Variants in YPEL5 observed in about 807,000 individuals in gnomAD.
YPEL5 encodes protein yippee-like 5.
Under a neutral mutation model 10.5 loss-of-function variants are expected in YPEL5, and 1 was observed. That is an observed-to-expected ratio of 0.10 (90% CI 0.03 to 0.45). The LOEUF is 0.45. Among genes scored for constraint, YPEL5 ranks in the 20% least tolerant of loss-of-function variants. The pLI, the probability that YPEL5 is intolerant of heterozygous loss-of-function variation, is 0.97. For missense variants in YPEL5, 68 were observed against 159.3 expected (o/e 0.43, Z 3.09); for synonymous variants, 61 against 56.6 (o/e 1.08, Z -0.35).
rs186638955 is a variant in YPEL5, at chr2:30,160,469, G to A, written c.*1626G>A. ...GCTTTTGATTATATGCAGATTCCTA[G>A]TAGCATGCCTTACCTACAGCACTAT... On this transcript the variant is annotated 3_prime_UTR_variant, in exon 3 of 3. Coordinates refer to ENST00000261353, the MANE Select transcript of YPEL5 (RefSeq NM_016061.3). 3 of 152,292 alleles carry A rather than the reference G, an allele frequency of 2.0e-5. No individual in the cohort carries two copies. The highest frequency in any genetic ancestry group is 2.0e-4 in the Admixed American group (3 of 15,302). The allele number at this position is 152,292 out of a possible 1,614,324, so 9.4% of individuals were successfully genotyped here.
intron 1 of YPEL5, among the ~76,000 whole-genome samples, chr2:30,153,118 G>C (rs1385205537): frequency 6.6e-6 from 1 of 152,090 alleles, no homozygotes; most frequent in East Asian, 1.9e-4. Context: ...AGCCAGGATG[G>C]TTTCGATCTC....
chr2:30,150,883 AAGG>A (rs1003357310), intron 1 of YPEL5, among the ~76,000 whole-genome samples: 6 of 152,238 alleles, frequency 3.9e-5, no homozygotes, highest in Non-Finnish European at 7.3e-5. Flanking sequence ...TGTAAAGTGG[AAGG>A]AGTAAAGTGT....
rs1676210443 is a variant in YPEL5, at chr2:30,159,947, T to C, written c.*1104T>C. 6.6e-6 allele frequency: 1 copy of C among 152,630 alleles called. No individual in the cohort carries two copies. Among genetic ancestry groups the C allele is most frequent in the Non-Finnish European group, 1.5e-5 (1 of 68,030 alleles). The allele number at this position is 152,630 out of a possible 1,614,324, so 9.5% of individuals were successfully genotyped here. Reference sequence around the variant, plus strand: ...CTTATTTAGCATTTTTTTCAGCTCTTCTCTCAGAAGTTCAGCTGTTGAAAC... The same window carrying C: ...CTTATTTAGCATTTTTTTCAGCTCTCCTCTCAGAAGTTCAGCTGTTGAAAC... On this transcript the variant is annotated 3_prime_UTR_variant, in exon 3 of 3. Coordinates refer to ENST00000261353, the MANE Select transcript of YPEL5 (RefSeq NM_016061.3).
chr2:30,157,685 T>C (rs1056366163), intron 2 of YPEL5, among the ~76,000 whole-genome samples: 5 of 152,214 alleles, frequency 3.3e-5, no homozygotes, highest in African/African-American at 1.2e-4. Context: ...TCCAAGTATT[T>C]TAGGCTAAGG....
At chr2:30,147,412 TCCTCCGAGGCCCG>T (rs1181685687) in intron 1 of YPEL5, 1 of 146,524 alleles carries the variant, frequency 6.8e-6, no homozygotes, top group East Asian at 2.1e-4. Context: ...CCCCGTCGCG[TCCTCCGAGGCCCG>T]CCGCCGAGGC....
At position 30,158,877 on chromosome 2, in the gene YPEL5, T is replaced by A. The variant is rs771624080; in HGVS notation, c.*34T>A. The A allele has an allele frequency of 1.3e-5, 21 of 1,605,580 alleles. No homozygotes were observed. The South Asian group carries it at 2.3e-4, about 18-fold the overall frequency. ...AGAGAAATCCATCTTTTCCCAGGTC[T>A]CCTTCACTGAAAACAAAAATCTACT... On this transcript the variant is annotated 3_prime_UTR_variant, in exon 3 of 3. Transcript: ENST00000261353.
At chr2:30,147,259 C>G (rs901292521) in intron 1 of YPEL5, among the ~76,000 whole-genome samples, 197 bp downstream of exon 1, 1 of 151,834 alleles carries the variant, frequency 6.6e-6, no homozygotes, top group Admixed American at 6.6e-5. Flanking sequence ...GCGCTGGGAC[C>G]GCGGGCGGAC....
chr2:30,157,694 G>A lies in YPEL5; in HGVS notation c.141+902G>A, dbSNP rs140279391. The stretch of plus-strand genomic sequence containing the variant: ...TGAATTTCCAAGTATTTTAGGCTAA[G>A]GAACATAGCTAGTCTAGGGTACTGT... On this transcript the variant is annotated intron_variant, in intron 2 of 2. Coordinates refer to ENST00000261353, the MANE Select transcript of YPEL5 (RefSeq NM_016061.3). Among the ~76,000 whole-genome samples, 325 of 152,332 alleles carry A rather than the reference G, an allele frequency of 2.1e-3. 1 individual carries two copies. Among genetic ancestry groups the A allele is most frequent in the African/African-American group, 7.5e-3 (311 of 41,574 alleles).
Position 30,153,169 on chromosome 2 carries a change from C to T in YPEL5, c.-24-3459C>T, listed in dbSNP as rs542323851. Among the ~76,000 whole-genome samples, 77 of 152,158 alleles carry T rather than the reference C, an allele frequency of 5.1e-4. No individual in the cohort carries two copies. In the South Asian group the frequency reaches 6.6e-3, roughly 13 times the overall value. On this transcript the variant is annotated intron_variant, in intron 1 of 2. Coordinates refer to ENST00000261353, the MANE Select transcript of YPEL5 (RefSeq NM_016061.3). ...GCCCACCTTGGCCTCCCCAAAGGGC[C>T]GGGATTACAGGTGTGAGCCACCGCG...
chr2:30,156,814 T>A (rs1311457172), intron 2 of YPEL5, 22 bp downstream of exon 2: 20 of 1,613,812 alleles, frequency 1.2e-5, no homozygotes, highest in Non-Finnish European at 1.7e-5. Flanking sequence ...AAAGTTTGAT[T>A]CCTAAGTGGG....
At chr2:30,149,683 T>G (rs1470983382) in intron 1 of YPEL5, among the ~76,000 whole-genome samples, 2 of 152,242 alleles carry the variant, frequency 1.3e-5, no homozygotes, top group Non-Finnish European at 2.9e-5. Flanking sequence ...AGCAGAGTCA[T>G]TGCGAAACAA....
At chr2:30,154,911 G>A (rs1440242043) in intron 1 of YPEL5, among the ~76,000 whole-genome samples, 1 of 152,054 alleles carries the variant, frequency 6.6e-6, no homozygotes, top group Non-Finnish European at 1.5e-5. Flanking sequence ...ACTAATTTTT[G>A]TATTTTTAAT....
intron 1 of YPEL5, among the ~76,000 whole-genome samples, chr2:30,155,268 C>A (rs189599374): frequency 1.5e-3 from 223 of 152,066 alleles, no homozygotes; most frequent in African/African-American, 5.0e-3. Flanking sequence ...TTTTTTATTC[C>A]CTATTAAACT....
At chr2:30,151,896 C>T (rs1167878565) in intron 1 of YPEL5, among the ~76,000 whole-genome samples, 1 of 152,118 alleles carries the variant, frequency 6.6e-6, no homozygotes, top group Admixed American at 6.6e-5. Flanking sequence ...TACTCTAAGT[C>T]CAAGCAAGGT....
In YPEL5 at chr2:30,158,940, T is replaced by A; in HGVS notation, c.*97T>A. 1 of 1,122,618 alleles carries A rather than the reference T, an allele frequency of 8.9e-7. No individual in the cohort carries two copies. The highest frequency in any genetic ancestry group is 1.3e-6 in the Non-Finnish European group (1 of 780,506). The allele number at this position is 1,122,618 out of a possible 1,614,324, so 69.5% of individuals were successfully genotyped here. A position where few individuals can be genotyped will look rare whatever the true frequency, so the allele number is the denominator to read the frequency against. ...CACCTTAGCATCAGAGTCGGATTAA[T>A]GAACTGCGGAACAAGAGGTTGTGAG... On this transcript the variant is annotated 3_prime_UTR_variant, in exon 3 of 3. Transcript: ENST00000261353.
intron 1 of YPEL5, among the ~76,000 whole-genome samples, chr2:30,152,890 G>GTTT (rs373848986): frequency 4.1e-5 from 5 of 122,726 alleles, no homozygotes; most frequent in Non-Finnish European, 8.6e-5. Context: ...ACTGTCCTTT[G>GTTT]TTTTTTTTTT....
At position 30,159,092 on chromosome 2, in the gene YPEL5, G is replaced by A. The variant is rs1676169260; in HGVS notation, c.*249G>A. The A allele has an allele frequency of 4.2e-6, 2 of 481,202 alleles. No homozygotes were observed. The highest frequency in any genetic ancestry group is 1.9e-5 in the African/African-American group (1 of 51,466). 29.8% of individuals were successfully genotyped at this position (481,202 alleles called of 1,614,324 possible). ...ATTTTTTACCCTATGTTTACATCTT[G>A]AGGCAGCAGAGTCTGTCTGCAGCTA... On this transcript the variant is annotated 3_prime_UTR_variant, in exon 3 of 3. Coordinates refer to ENST00000261353, the MANE Select transcript of YPEL5 (RefSeq NM_016061.3).
At chr2:30,153,194 G>C (rs768358390) in intron 1 of YPEL5, among the ~76,000 whole-genome samples, 2 of 152,144 alleles carry the variant, frequency 1.3e-5, no homozygotes, top group Non-Finnish European at 2.9e-5. Flanking sequence ...GAGCCACCGC[G>C]CCCGGCCTTT....
rs1451094813 is a variant in YPEL5, at chr2:30,160,517, G to T, written c.*1674G>T. On this transcript the variant is annotated 3_prime_UTR_variant, in exon 3 of 3. Transcript: ENST00000261353. ...TATGTGCATTTGCTGTCACAATAAA[G>T]TATATTTTGTCTTGCATTGATGCAG... 1 of 152,154 alleles carries T rather than the reference G, an allele frequency of 6.6e-6. No individual in the cohort carries two copies. The highest frequency in any genetic ancestry group is 1.9e-4 in the East Asian group (1 of 5,188). The allele number at this position is 152,154 out of a possible 1,614,324, so 9.4% of individuals were successfully genotyped here. A position where few individuals can be genotyped will look rare whatever the true frequency, so the allele number is the denominator to read the frequency against.
Sources: allele counts gnomAD v4.1 joint callset (sites outside exome capture counted in the v4.1 genomes callset), GRCh38; gene constraint gnomAD v4.1.1; transcripts MANE v1.5; gene names NCBI Gene and HGNC (gene_info 2026-07-23, HGNC 2026-07-21).